RARB: variants seen among roughly 807,000 people sequenced by gnomAD.
RARB encodes the protein HBV-activated protein.
RARB carries 17 observed loss-of-function variants against 51.9 expected under a neutral mutation model. The ratio of observed to expected loss-of-function variants is 0.33; its 90% CI spans 0.22 to 0.49. The LOEUF (loss-of-function observed/expected upper bound fraction) is 0.49. Among genes scored for constraint, RARB ranks in the 20% least tolerant of loss-of-function variants. RARB has a pLI of 0.99. For missense variants in RARB, 369 were observed against 550.8 expected, an observed-to-expected ratio of 0.67 and a Z score of 3.30; for synonymous variants, 215 against 195.4, an observed-to-expected ratio of 1.10 and a Z score of -0.84.
At chr3:25,249,702 T>G (rs1176232321) in intron 5 of RARB, among the ~76,000 whole-genome samples, 1 of 145,018 alleles carries the variant, frequency 6.9e-6, no homozygotes, top group Non-Finnish European at 1.5e-5. Context: ...TTTTTTTTTT[T>G]GGCTGTAAAC....
rs1553611134 is a variant in RARB at position 24,889,675 on chromosome 3, A to AGGGTGT, written c.-380+30924_-380+30925insGGTGTG. 9.8e-5 allele frequency among the ~76,000 whole-genome samples: 14 copies of AGGGTGT among 142,958 alleles called. No individual in the cohort carries two copies. In the South Asian group the frequency reaches 2.8e-3, roughly 28 times the overall value. The allele number at this position is 142,958 out of a possible 152,430, so 93.8% of individuals were successfully genotyped here. Reference sequence around the variant, plus strand: ...ACAAATGTATTGAATCACCTCTTAAAGTGTGTGTGTGTGTGTGTGTGTGTG... The same window carrying AGGGTGT: ...ACAAATGTATTGAATCACCTCTTAAAGGGTGTGTGTGTGTGTGTGTGTGTGTGTGTG... On this transcript the variant is annotated intron_variant, in intron 2 of 11. Coordinates refer to the RARB transcript ENST00000383772.
At chr3:25,159,309 A>G (rs1318341964) in intron 4 of RARB, among the ~76,000 whole-genome samples, 2 of 151,480 alleles carry the variant, frequency 1.3e-5, no homozygotes, top group African/African-American at 4.9e-5. Flanking sequence ...AGCTGGGATT[A>G]CAAGTATGCA....
intron 2 of RARB, among the ~76,000 whole-genome samples, chr3:24,975,614 T>C (rs1696493771): frequency 1.3e-5 from 2 of 152,158 alleles, no homozygotes; most frequent in South Asian, 4.1e-4. Context: ...AACTAGTTGG[T>C]TCTATCCAGC....
chr3:24,981,575 G>A (rs778135019), intron 2 of RARB, among the ~76,000 whole-genome samples: 3 of 152,118 alleles, frequency 2.0e-5, no homozygotes, highest in Non-Finnish European at 2.9e-5. Flanking sequence ...CTCTGTGGAT[G>A]TGGGACCCAC....
intron 1 of RARB, among the ~76,000 whole-genome samples, chr3:25,458,795 G>T (rs958737057): frequency 6.6e-6 from 1 of 152,146 alleles, no homozygotes; most frequent in African/African-American, 2.4e-5. Context: ...AATTATAGTT[G>T]ATTCTGTTCC....
chr3:24,876,171 G>A (rs1370706328), intron 2 of RARB, among the ~76,000 whole-genome samples: 1 of 152,086 alleles, frequency 6.6e-6, no homozygotes, highest in Admixed American at 6.6e-5. Context: ...GTGTCTAGTG[G>A]TTTCTCCACT....
At chr3:25,371,956 T>C (rs1274619059) in intron 5 of RARB, among the ~76,000 whole-genome samples, 2 of 152,186 alleles carry the variant, frequency 1.3e-5, no homozygotes, top group Non-Finnish European at 2.9e-5. Context: ...ACAGTGGGAA[T>C]ATCGGGGTGA....
intron 1 of RARB, among the ~76,000 whole-genome samples, chr3:25,447,637 T>C (rs1709007073): frequency 6.6e-6 from 1 of 152,052 alleles, no homozygotes; most frequent in South Asian, 2.1e-4. Context: ...GAGATCGCTG[T>C]GGTAAAGAGG....
chr3:25,145,924 C>T (rs1700181576), intron 4 of RARB, among the ~76,000 whole-genome samples: 1 of 151,992 alleles, frequency 6.6e-6, no homozygotes, highest in South Asian at 2.1e-4. Flanking sequence ...ATCACTTGAA[C>T]CCAGGAGACA....
intron 3 of RARB, among the ~76,000 whole-genome samples, chr3:25,084,734 G>C (rs1609938): frequency 0.7 from 106,575 of 151,218 alleles, 38,565 homozygotes; most frequent in Admixed American, 0.79. Flanking sequence ...TATTCCATCT[G>C]TTTGGGGTTT....
At chr3:24,916,767 CAAA>C (rs386396164) in intron 2 of RARB, among the ~76,000 whole-genome samples, 208 of 112,782 alleles carry the variant, frequency 1.8e-3, no homozygotes, top group African/African-American at 6.2e-3. Flanking sequence ...GTTTGCTGTT[CAAA>C]AAAAAAAAAA....
intron 3 of RARB, among the ~76,000 whole-genome samples, chr3:25,540,408 T>G (rs1233204315): frequency 6.6e-6 from 1 of 152,228 alleles, no homozygotes. Context: ...GGTTACCCAA[T>G]TAACTAATTC....
At chr3:25,341,197 G>A (rs139592723) in intron 5 of RARB, among the ~76,000 whole-genome samples, 1 of 152,266 alleles carries the variant, frequency 6.6e-6, no homozygotes, top group East Asian at 1.9e-4. Flanking sequence ...TGGCATCTAA[G>A]ACCGTGCCTG....
rs773058663 is a variant in RARB, at chr3:25,524,016, T to A, written c.448+22693T>A. Among the ~76,000 whole-genome samples, 52 of 152,226 alleles carry A rather than the reference T, an allele frequency of 3.4e-4. 1 individual carries two copies. The highest frequency in any genetic ancestry group is 6.9e-4 in the Non-Finnish European group (47 of 68,046). The stretch of plus-strand genomic sequence containing the variant: ...GGCAATGCCTAAGGCTGAAGCACAA[T>A]GAATTTTCTGTGGGGTTTCACTGCT... On this transcript the variant is annotated intron_variant, in intron 3 of 7. Transcript: ENST00000330688.
At chr3:25,115,120 C>T (rs980892587) in intron 3 of RARB, among the ~76,000 whole-genome samples, 1 of 152,104 alleles carries the variant, frequency 6.6e-6, no homozygotes, top group Non-Finnish European at 1.5e-5. Flanking sequence ...GCATTGGCTT[C>T]ATCAAATCCT....
At chr3:25,285,071 TTAGA>T (rs1159198075) in intron 5 of RARB, among the ~76,000 whole-genome samples, 2 of 152,172 alleles carry the variant, frequency 1.3e-5, no homozygotes, top group African/African-American at 2.4e-5. Context: ...AGGTACTGTG[TTAGA>T]TAGAGGGAGC....
chr3:25,214,170 G>A (rs1394200587), intron 5 of RARB, among the ~76,000 whole-genome samples: 1 of 152,176 alleles, frequency 6.6e-6, no homozygotes, highest in African/African-American at 2.4e-5. Context: ...TGAAACTCAG[G>A]CCAAAGCACT....
intron 5 of RARB, among the ~76,000 whole-genome samples, chr3:25,174,810 A>C (rs143923232): frequency 9.3e-4 from 141 of 152,328 alleles, no homozygotes; most frequent in African/African-American, 3.4e-3. Context: ...CTGTTTCATA[A>C]AATGCAAACA....
Position 25,317,244 on chromosome 3 carries a change from A to G in RARB, c.178+142669A>G, listed in dbSNP as rs191019501. Reference sequence around the variant, plus strand: ...ATTAAATAAGTAGGATAGTCACTAAATGGATCATTGGCTGATGACTAGGTG... The same window carrying G: ...ATTAAATAAGTAGGATAGTCACTAAGTGGATCATTGGCTGATGACTAGGTG... On this transcript the variant is annotated intron_variant, in intron 5 of 11. Coordinates refer to the RARB transcript ENST00000383772. Among the ~76,000 whole-genome samples the G allele has an allele frequency of 3.8e-4, 58 of 152,188 alleles. No homozygotes were observed. In the East Asian group the frequency reaches 6.6e-3, roughly 17 times the overall value.
Sources: allele counts gnomAD v4.1 joint callset (sites outside exome capture counted in the v4.1 genomes callset), GRCh38; gene constraint gnomAD v4.1.1; transcripts MANE v1.5; gene names NCBI Gene and HGNC (gene_info 2026-07-23, HGNC 2026-07-21).